MGAT4C: variants seen among roughly 807,000 people sequenced by gnomAD.
MGAT4C encodes alpha-1,3-mannosyl-glycoprotein 4-beta-N-acetylglucosaminyltransferase C.
A neutral mutation model predicts 40.1 loss-of-function variants in MGAT4C; 19 were observed. The observed-to-expected ratio is 0.47, with a 90% CI of 0.33 to 0.70. MGAT4C has a LOEUF of 0.70. Ranked by LOEUF, MGAT4C falls within the 30% of genes least tolerant of loss-of-function variation. The pLI, the probability that MGAT4C is intolerant of heterozygous loss-of-function variation, is 0.02. For missense variants in MGAT4C, 491 were observed against 563.2 expected, an observed-to-expected ratio of 0.87 and a Z score of 1.30; for synonymous variants, 181 against 187.1, an observed-to-expected ratio of 0.97 and a Z score of 0.27.
chr12:86,126,878 T>TTTTTC (rs1880363315), intron 1 of MGAT4C, among the ~76,000 whole-genome samples: 1 of 152,092 alleles, frequency 6.6e-6, no homozygotes, highest in African/African-American at 2.4e-5. Context: ...AATGGACGGA[T>TTTTTC]AGGGGTGGGC....
intron 2 of MGAT4C, among the ~76,000 whole-genome samples, chr12:85,990,766 ATATTTTTCTTAAGGGT>A (rs1254888646): frequency 6.6e-6 from 1 of 152,192 alleles, no homozygotes; most frequent in African/African-American, 2.4e-5. Flanking sequence ...TTCTTTGATC[ATATTTTTCTTAAGGGT>A]TATTTTTCTT....
intron 2 of MGAT4C, among the ~76,000 whole-genome samples, chr12:86,645,540 T>C (rs1449511140): frequency 1.3e-5 from 2 of 151,792 alleles, no homozygotes; most frequent in Non-Finnish European, 2.9e-5. Flanking sequence ...AGTACAATCT[T>C]GGCAATAATT....
chr12:86,816,373 C>A lies in MGAT4C; in HGVS notation c.-262+22293G>T, dbSNP rs375728975. Among the ~76,000 whole-genome samples, 534 of 151,744 alleles carry A rather than the reference C, an allele frequency of 3.5e-3. 3 individuals carry two copies. Among genetic ancestry groups the A allele is most frequent in the Middle Eastern group, 0.017 (5 of 292 alleles). On this transcript the variant is annotated intron_variant, in intron 1 of 7. Transcript: ENST00000548651. Reference sequence around the variant, plus strand: ...TTTAAATTAGTTGACGGTAAGCTATCCCTTAATTTCTGAGAAAACATATAT... The same window carrying A: ...TTTAAATTAGTTGACGGTAAGCTATACCTTAATTTCTGAGAAAACATATAT...
In MGAT4C at chr12:86,006,823, C is replaced by A. The variant is rs12422652; in HGVS notation, c.-6-17271G>T. On this transcript the variant is annotated intron_variant, in intron 2 of 4. Coordinates refer to ENST00000611864, the MANE Select transcript of MGAT4C (RefSeq NM_001351288.2). ...TCTACCCTCTTAGTGATTTTTCCATCCACTGACTCACATCCTGCTCCTTGG... is the reference window on the plus strand; with the variant it reads ...TCTACCCTCTTAGTGATTTTTCCATACACTGACTCACATCCTGCTCCTTGG... Among the ~76,000 whole-genome samples, 313 of 152,254 alleles carry A rather than the reference C, an allele frequency of 2.1e-3. 3 individuals carry two copies. Among genetic ancestry groups the A allele is most frequent in the Admixed American group, 0.017 (257 of 15,282 alleles).
At chr12:86,420,862 T>C (rs1441016973) in intron 3 of MGAT4C, among the ~76,000 whole-genome samples, 1 of 146,534 alleles carries the variant, frequency 6.8e-6, no homozygotes, top group Non-Finnish European at 1.5e-5. Flanking sequence ...CATATATATG[T>C]GTATATATAT....
intron 1 of MGAT4C, among the ~76,000 whole-genome samples, chr12:86,143,870 T>C (rs1457336422): frequency 6.6e-6 from 1 of 152,160 alleles, no homozygotes; most frequent in Admixed American, 6.5e-5. Flanking sequence ...AACTAACATG[T>C]TGAGGGTAGA....
chr12:86,651,673 G>A (rs1341302926), intron 2 of MGAT4C, among the ~76,000 whole-genome samples: 2 of 151,692 alleles, frequency 1.3e-5, no homozygotes, highest in Admixed American at 6.6e-5. Context: ...TCTTTCTAGC[G>A]TAGCTTCCAA....
chr12:86,782,163 T>G (rs12813693), intron 1 of MGAT4C, among the ~76,000 whole-genome samples: 91,746 of 130,388 alleles, frequency 0.7, 33,673 homozygotes, highest in South Asian at 0.82. Context: ...TGGCTAAATG[T>G]TTTTTGTATT....
At chr12:86,616,423 G>A (rs1962449356) in intron 2 of MGAT4C, among the ~76,000 whole-genome samples, 1 of 152,050 alleles carries the variant, frequency 6.6e-6, no homozygotes, top group Admixed American at 6.6e-5. Flanking sequence ...GTAACCGTAA[G>A]TAACATTAAA....
chr12:86,414,010 T>C (rs1465801192), intron 3 of MGAT4C, among the ~76,000 whole-genome samples: 1 of 152,060 alleles, frequency 6.6e-6, no homozygotes, highest in Non-Finnish European at 1.5e-5. Context: ...AAGTTTTGAC[T>C]GCCTAGAACA....
chr12:86,345,049 T>C (rs1954999564), intron 3 of MGAT4C, among the ~76,000 whole-genome samples: 1 of 152,136 alleles, frequency 6.6e-6, no homozygotes, highest in Non-Finnish European at 1.5e-5. Flanking sequence ...GTTCCTTTTT[T>C]ATTTTAAAAT....
chr12:86,319,904 GA>G, intron 4 of MGAT4C, among the ~76,000 whole-genome samples: 1 of 152,102 alleles, frequency 6.6e-6, no homozygotes, highest in Middle Eastern at 3.2e-3. Flanking sequence ...AATTTGAAAA[GA>G]AGAAATGAAA....
At chr12:86,609,785 C>G (rs558810784) in intron 2 of MGAT4C, among the ~76,000 whole-genome samples, 1 of 72,764 alleles carries the variant, frequency 1.4e-5, no homozygotes, top group Non-Finnish European at 3.6e-5. Flanking sequence ...AAATAAGGCA[C>G]TACCAGAAAA....
At chr12:86,780,515 T>C (rs1951819323) in intron 1 of MGAT4C, among the ~76,000 whole-genome samples, 2 of 152,272 alleles carry the variant, frequency 1.3e-5, no homozygotes, top group South Asian at 4.1e-4. Context: ...TGTTTAAAAG[T>C]GAGTAGCACT....
intron 1 of MGAT4C, among the ~76,000 whole-genome samples, chr12:86,240,026 TAAAAAA>T (rs1287336143): frequency 5.7e-5 from 4 of 69,696 alleles, no homozygotes; most frequent in Admixed American, 1.7e-4. Flanking sequence ...TAGAGTATAA[TAAAAAA>T]AAAAAATAAA....
intron 1 of MGAT4C, among the ~76,000 whole-genome samples, chr12:86,192,968 G>T (rs2135908070): frequency 6.6e-6 from 1 of 151,884 alleles, no homozygotes; most frequent in South Asian, 2.1e-4. Context: ...TCTTTCTTGG[G>T]GTTGTGCAGC....
At chr12:86,433,108 T>C (rs1957072154) in intron 3 of MGAT4C, among the ~76,000 whole-genome samples, 1 of 151,904 alleles carries the variant, frequency 6.6e-6, no homozygotes, top group African/African-American at 2.4e-5. Context: ...TAGAAAATGG[T>C]AGGATATCCT....
intron 1 of MGAT4C, among the ~76,000 whole-genome samples, chr12:86,179,134 G>A (rs1887820383): frequency 6.6e-6 from 1 of 152,146 alleles, no homozygotes; most frequent in Admixed American, 6.5e-5. Flanking sequence ...TCTTTCTTGT[G>A]CTATTCTAGT....
chr12:86,794,807 CTT>C (rs1169160470), intron 1 of MGAT4C, among the ~76,000 whole-genome samples: 2 of 151,678 alleles, frequency 1.3e-5, no homozygotes, highest in African/African-American at 2.4e-5. Flanking sequence ...TAAAATATGA[CTT>C]ATTGATATAA....
Sources: allele counts gnomAD v4.1 joint callset (sites outside exome capture counted in the v4.1 genomes callset), GRCh38; gene constraint gnomAD v4.1.1; transcripts MANE v1.5; gene names NCBI Gene and HGNC (gene_info 2026-07-23, HGNC 2026-07-21).